FOXO3: variants seen among roughly 807,000 people sequenced by gnomAD.
The protein encoded by FOXO3 is forkhead box protein O3.
In FOXO3, 4 loss-of-function variants were observed where a neutral mutation model predicts 41.9. The ratio of observed to expected loss-of-function variants is 0.10; its 90% CI spans 0.05 to 0.22. The LOEUF (loss-of-function observed/expected upper bound fraction) is 0.22, where lower values mean the gene tolerates loss of function less well. Among genes scored for constraint, FOXO3 ranks in the 10% least tolerant of loss-of-function variants. The pLI, the probability that FOXO3 is intolerant of heterozygous loss-of-function variation, is 1.00. For synonymous variants in FOXO3, 318 were observed against 389.3 expected (o/e 0.82, Z 2.16); for missense variants, 534 against 906.8 (o/e 0.59, Z 5.28).
At chr6:108,640,975 G>A (rs562621345) in intron 1 of FOXO3, among the ~76,000 whole-genome samples, 1 of 152,040 alleles carries the variant, frequency 6.6e-6, no homozygotes, top group African/African-American at 2.4e-5. Context: ...GTGCAATGGC[G>A]CAATCTTGGC....
rs1778938443 is a variant in FOXO3 at position 108,663,616 on chromosome 6, C to T, written c.783C>T (p.Thr261=). The change falls in exon 2 of 3, where the codon ACC becomes ACT. Residue 261 remains threonine (T), a synonymous_variant. Coordinates refer to ENST00000406360, the MANE Select transcript of FOXO3 (RefSeq NM_001455.4). ...AVSMDNSNKY[T]KSRGRAAKKK... is the part of the protein sequence containing the mutation. ...CCATGGACAATAGCAACAAGTATAC[C>T]AAGAGCCGTGGCCGCGCAGCCAAGA... 3.7e-6 allele frequency: 6 copies of T among 1,613,534 alleles called. No homozygotes were observed. The highest frequency in any genetic ancestry group is 1.7e-4 in the Middle Eastern group (1 of 6,054).
chr6:108,581,574 A>G (rs1255364866), intron 1 of FOXO3, among the ~76,000 whole-genome samples: 1 of 152,180 alleles, frequency 6.6e-6, no homozygotes, highest in African/African-American at 2.4e-5. Flanking sequence ...GGAACCATTG[A>G]GACACTTTGG....
intron 1 of FOXO3, among the ~76,000 whole-genome samples, chr6:108,576,353 T>C (rs1776261676): frequency 6.6e-6 from 1 of 152,238 alleles, no homozygotes; most frequent in African/African-American, 2.4e-5. Flanking sequence ...CATTTGACTG[T>C]GGACATAATT....
intron 1 of FOXO3, among the ~76,000 whole-genome samples, chr6:108,580,524 G>T (rs993706293): frequency 6.6e-6 from 1 of 152,182 alleles, no homozygotes; most frequent in African/African-American, 2.4e-5. Context: ...ACTGAGGTAC[G>T]AAACGGCTAA....
chr6:108,676,588 A>T (rs996759671), intron 2 of FOXO3, among the ~76,000 whole-genome samples: 6 of 152,224 alleles, frequency 3.9e-5, no homozygotes, highest in Non-Finnish European at 7.3e-5. Flanking sequence ...ACACATACAC[A>T]TAAATCTCAC....
At position 108,561,760 on chromosome 6, in the gene FOXO3, C is replaced by T. The variant is rs766086478; in HGVS notation, c.552C>T (p.Tyr184=). ...AACGGCTCACTCTGTCCCAGATCTACGAGTGGATGGTGCGTTGCGTGCCCT... is the reference window on the plus strand; with the variant it reads ...AACGGCTCACTCTGTCCCAGATCTATGAGTGGATGGTGCGTTGCGTGCCCT... ...PDKRLTLSQI[Y]EWMVRCVPYF... Residue 184 remains tyrosine, a synonymous_variant, in exon 1 of 3, where the codon TAC becomes TAT. Transcript: ENST00000406360. 9.3e-6 allele frequency: 15 copies of T among 1,604,346 alleles called. No homozygotes were observed. Among genetic ancestry groups the T allele is most frequent in the Non-Finnish European group, 1.3e-5 (15 of 1,176,176 alleles).
chr6:108,582,125 TCCTAAC>T (rs1224270214), intron 1 of FOXO3, among the ~76,000 whole-genome samples: 11 of 152,238 alleles, frequency 7.2e-5, no homozygotes, highest in African/African-American at 2.7e-4. Flanking sequence ...TTTCCTGCAC[TCCTAAC>T]CCTCACAGGA....
chr6:108,656,381 A>C, intron 1 of FOXO3: 33 of 985,342 alleles, frequency 3.3e-5, no homozygotes, highest in Non-Finnish European at 3.9e-5. Context: ...CATGGTTTGG[A>C]AGGGCTGAAG....
In FOXO3 at chr6:108,642,308, A is replaced by G. The variant is rs1582807566; in HGVS notation, c.622-21147A>G. ...GTCTCACTATATTGCCAAGACTGAT[A>G]TCAAACTCCTGGGCTCAAGTGATCC... On this transcript the variant is annotated intron_variant, in intron 1 of 2. Transcript: ENST00000406360. Among the ~76,000 whole-genome samples the G allele has an allele frequency of 4.6e-5, 7 of 152,182 alleles. No homozygotes were observed. The South Asian group carries it at 1.5e-3, about 32-fold the overall frequency.
In FOXO3 at chr6:108,561,180, C is replaced by T. The variant is rs1196382844; in HGVS notation, c.-29C>T. ...CCGGCGCGAGAGGAGAGCGCGAGAG[C>T]CCCAGCCGCGGGCGGGCGGGCGGCG... is the stretch of plus-strand genomic sequence containing the variant. On this transcript the variant is annotated 5_prime_UTR_variant, in exon 1 of 3. Coordinates refer to ENST00000406360, the MANE Select transcript of FOXO3 (RefSeq NM_001455.4). The T allele has an allele frequency of 1.3e-6, 2 of 1,525,472 alleles. No individual in the cohort carries two copies. Among genetic ancestry groups the T allele is most frequent in the East Asian group, 2.6e-5 (1 of 38,156 alleles). 94.5% of individuals were successfully genotyped at this position (1,525,472 alleles called of 1,614,324 possible).
intron 1 of FOXO3, among the ~76,000 whole-genome samples, chr6:108,591,206 A>G (rs539123325): frequency 6.6e-6 from 1 of 152,288 alleles, no homozygotes; most frequent in East Asian, 1.9e-4. Flanking sequence ...ACATTGGGAT[A>G]AGTATGGTCC....
intron 1 of FOXO3, among the ~76,000 whole-genome samples, chr6:108,619,367 T>C (rs1208759831): frequency 6.6e-6 from 1 of 152,272 alleles, no homozygotes; most frequent in African/African-American, 2.4e-5. Flanking sequence ...TCTCATTCTT[T>C]AGTCATCAAA....
At chr6:108,645,523 AAT>A (rs1284949661) in intron 1 of FOXO3, among the ~76,000 whole-genome samples, 1 of 151,740 alleles carries the variant, frequency 6.6e-6, no homozygotes, top group Non-Finnish European at 1.5e-5. Context: ...GCCTCATCAT[AAT>A]ATAGCCTCTT....
At chr6:108,583,813 A>T (rs1467328142) in intron 1 of FOXO3, among the ~76,000 whole-genome samples, 1 of 152,244 alleles carries the variant, frequency 6.6e-6, no homozygotes, top group African/African-American at 2.4e-5. Context: ...TCTGTGGCAA[A>T]TAAGATTTCA....
intron 1 of FOXO3, among the ~76,000 whole-genome samples, chr6:108,636,879 G>A (rs1427478264): frequency 1.3e-5 from 2 of 152,142 alleles, no homozygotes; most frequent in Non-Finnish European, 2.9e-5. Flanking sequence ...CCTGGCACCT[G>A]GGCAGCTCTG....
chr6:108,683,972 A>G lies in FOXO3; in HGVS notation c.*4180A>G, dbSNP rs1770968081. The G allele has an allele frequency of 6.6e-6, 1 of 152,492 alleles. No individual in the cohort carries two copies. The highest frequency in any genetic ancestry group is 2.4e-5 in the African/African-American group (1 of 41,328). The allele number at this position is 152,492 out of a possible 1,614,324, so 9.4% of individuals were successfully genotyped here. On this transcript the variant is annotated 3_prime_UTR_variant, in exon 3 of 3. Transcript: ENST00000406360. ...AGGTCTTGAAGCGGATGCCCAAATA[A>G]AAGAGTATATTTTATCTAAATCTTA...
intron 1 of FOXO3, among the ~76,000 whole-genome samples, chr6:108,602,765 G>A (rs1227127552): frequency 2.0e-5 from 3 of 152,100 alleles, no homozygotes; most frequent in Non-Finnish European, 4.4e-5. Flanking sequence ...TTGTGTACAT[G>A]TGTCTTTCTG....
At chr6:108,592,539 T>C (rs1342502925) in intron 1 of FOXO3, among the ~76,000 whole-genome samples, 1 of 152,218 alleles carries the variant, frequency 6.6e-6, no homozygotes, top group Non-Finnish European at 1.5e-5. Flanking sequence ...ACCTCACAGT[T>C]CTTGTTAGTC....
rs1487505566 is a variant in FOXO3, at chr6:108,663,565, A to G, written c.732A>G (p.Gly244=). ...WIINPDGGKS[G]KAPRRRAVSM... ...TCAACCCTGATGGGGGGAAGAGCGG[A>G]AAAGCCCCCCGGCGGCGGGCTGTCT... Residue 244 remains glycine, a synonymous_variant, in exon 2 of 3, where the codon GGA becomes GGG. Coordinates refer to ENST00000406360, the MANE Select transcript of FOXO3 (RefSeq NM_001455.4). The G allele has an allele frequency of 6.2e-7, 1 of 1,613,592 alleles. No homozygotes were observed. The highest frequency in any genetic ancestry group is 8.5e-7 in the Non-Finnish European group (1 of 1,179,682).
Sources: allele counts gnomAD v4.1 joint callset (sites outside exome capture counted in the v4.1 genomes callset), GRCh38; gene constraint gnomAD v4.1.1; transcripts MANE v1.5; gene names NCBI Gene and HGNC (gene_info 2026-07-23, HGNC 2026-07-21).